The following PSTPIP2 variants were observed in gnomAD, a reference collection of about 807,000 sequenced individuals.
PSTPIP2 encodes the protein proline-serine-threonine phosphatase-interacting protein 2.
In PSTPIP2, 33 loss-of-function variants were observed where a neutral mutation model predicts 63.3. That is an observed-to-expected ratio of 0.52 (90% CI 0.40 to 0.70). The LOEUF (loss-of-function observed/expected upper bound fraction) is 0.70, where lower values mean the gene tolerates loss of function less well. PSTPIP2 is among the 30% of genes least tolerant of loss of function. PSTPIP2 has a pLI of 0.00. For synonymous variants in PSTPIP2, 125 were observed against 132.7 expected (o/e 0.94, Z 0.40); for missense variants, 312 against 400.7 (o/e 0.78, Z 1.89).
intron 1 of PSTPIP2, among the ~76,000 whole-genome samples, chr18:46,042,427 C>T (rs1568226903): frequency 6.6e-6 from 1 of 152,140 alleles, no homozygotes; most frequent in Non-Finnish European, 1.5e-5. Context: ...CCCCAATTCT[C>T]CCTTCTCTAG....
intron 9 of PSTPIP2, among the ~76,000 whole-genome samples, chr18:45,996,900 C>A (rs547066198): frequency 6.6e-6 from 1 of 152,146 alleles, no homozygotes; most frequent in Non-Finnish European, 1.5e-5. Context: ...CCAGCCTGGG[C>A]GACAGAGTGA....
intron 3 of PSTPIP2, among the ~76,000 whole-genome samples, chr18:46,017,607 T>C (rs1449418671): frequency 6.6e-6 from 1 of 152,130 alleles, no homozygotes; most frequent in East Asian, 1.9e-4. Flanking sequence ...GAATTCCAGA[T>C]AATTTCTTTT....
chr18:46,046,297 C>CA (rs1908381821), intron 1 of PSTPIP2, among the ~76,000 whole-genome samples: 1 of 152,230 alleles, frequency 6.6e-6, no homozygotes, highest in Non-Finnish European at 1.5e-5. Flanking sequence ...ACAGCACCCG[C>CA]AGTCTCCAAA....
chr18:46,062,627 C>G (rs1276229217), intron 1 of PSTPIP2, among the ~76,000 whole-genome samples: 1 of 152,026 alleles, frequency 6.6e-6, no homozygotes, highest in Admixed American at 6.6e-5. Flanking sequence ...CAGGTTCAAG[C>G]AATTCTCCTC....
chr18:45,992,830 C>A (rs1027154729), intron 10 of PSTPIP2, among the ~76,000 whole-genome samples: 1 of 152,020 alleles, frequency 6.6e-6, no homozygotes, highest in Non-Finnish European at 1.5e-5. Context: ...TGAAGCAATT[C>A]CCCTGCCTCA....
At chr18:46,042,021 G>C (rs964988084) in intron 1 of PSTPIP2, among the ~76,000 whole-genome samples, 1 of 152,152 alleles carries the variant, frequency 6.6e-6, no homozygotes, top group African/African-American at 2.4e-5. Flanking sequence ...GCAGACAGCA[G>C]TCCCAGAAAG....
intron 2 of PSTPIP2, chr18:46,028,437 C>G (rs1363483561): frequency 1.8e-6 from 1 of 562,256 alleles, no homozygotes. Context: ...AGCGGAACCG[C>G]CCGACGCTGG....
At chr18:45,996,421 T>A (rs1568210475) in intron 9 of PSTPIP2, among the ~76,000 whole-genome samples, 1 of 152,194 alleles carries the variant, frequency 6.6e-6, no homozygotes, top group Non-Finnish European at 1.5e-5. Context: ...TCTGAGAACC[T>A]GCATTTCTAA....
intron 6 of PSTPIP2, among the ~76,000 whole-genome samples, chr18:46,003,756 T>TC (rs1021578865): frequency 3.2e-5 from 4 of 123,232 alleles, no homozygotes; most frequent in African/African-American, 1.5e-4. Context: ...CTTTCAGAGT[T>TC]TTTTTTTTTT....
chr18:46,002,385 T>C (rs76022596), intron 6 of PSTPIP2, among the ~76,000 whole-genome samples: 3,997 of 152,318 alleles, frequency 0.026, 175 homozygotes, highest in African/African-American at 0.09. Flanking sequence ...GATCTTTTCT[T>C]ATAGTGCAAA....
chr18:46,038,588 C>A (rs562308411), intron 2 of PSTPIP2, among the ~76,000 whole-genome samples: 1 of 152,314 alleles, frequency 6.6e-6, no homozygotes, highest in South Asian at 2.1e-4. Context: ...AGGAGGAAGC[C>A]CACTGCCAGT....
Position 46,072,228 on chromosome 18 carries a change from G to C in PSTPIP2, c.-40C>G. On this transcript the variant is annotated 5_prime_UTR_variant, in exon 1 of 15. Coordinates refer to ENST00000409746, the MANE Select transcript of PSTPIP2 (RefSeq NM_024430.4). ...GGGCGCGGAGGAGAGCCGGGCCGCA[G>C]GTAGCACAGAGCGGGGAGGCCTGAC... The C allele has an allele frequency of 6.5e-7, 1 of 1,528,104 alleles. No homozygotes were observed. The highest frequency in any genetic ancestry group is 2.6e-5 in the East Asian group (1 of 38,156). The allele number at this position is 1,528,104 out of a possible 1,614,324, so 94.7% of individuals were successfully genotyped here.
intron 2 of PSTPIP2, among the ~76,000 whole-genome samples, chr18:46,027,218 C>T (rs1032137570): frequency 9.9e-5 from 15 of 151,814 alleles, no homozygotes; most frequent in Admixed American, 3.3e-4. Context: ...TCGCTTGAAC[C>T]GGGGAGGCAG....
At chr18:46,021,766 T>TA (rs981261237) in intron 3 of PSTPIP2, among the ~76,000 whole-genome samples, 7 of 132,282 alleles carry the variant, frequency 5.3e-5, no homozygotes, top group African/African-American at 2.1e-4. Context: ...ACCAACGTGG[T>TA]AAAACCCTGT....
intron 1 of PSTPIP2, among the ~76,000 whole-genome samples, chr18:46,057,921 C>T (rs929867234): frequency 2.0e-5 from 3 of 150,338 alleles, no homozygotes; most frequent in African/African-American, 7.4e-5. Context: ...TGGCGTGAAC[C>T]CGGGAGGCGG....
intron 9 of PSTPIP2, among the ~76,000 whole-genome samples, chr18:45,995,100 T>G (rs957891557): frequency 6.6e-6 from 1 of 152,032 alleles, no homozygotes; most frequent in African/African-American, 2.4e-5. Context: ...GTTTCGTTGT[T>G]TGGTTTTGGG....
At chr18:46,040,108 G>C (rs957562731) in intron 1 of PSTPIP2, 61 bp from the exon 2 acceptor site, 1 of 1,363,034 alleles carries the variant, frequency 7.3e-7, no homozygotes, top group Middle Eastern at 1.9e-4. Context: ...AGGCCGGAGA[G>C]AAGATAAGAC....
intron 2 of PSTPIP2, among the ~76,000 whole-genome samples, chr18:46,027,249 C>T (rs1020740824): frequency 9.3e-5 from 14 of 151,172 alleles, no homozygotes; most frequent in African/African-American, 3.4e-4. Flanking sequence ...GAGCTGAGAT[C>T]GCACTATTGC....
rs2051519698 is a variant in PSTPIP2, at chr18:45,990,705, CT to C, written c.955+16del. On this transcript the variant is annotated intron_variant, in intron 13 of 14. Transcript: ENST00000409746. Reference sequence around the variant, plus strand: ...TTGCAATATAAGAATTTCAAAAGACCTTTTTTAGTGGCATACCTGGTGAGCT... The same window carrying C: ...TTGCAATATAAGAATTTCAAAAGACCTTTTTAGTGGCATACCTGGTGAGCT... 1.3e-6 allele frequency: 2 copies of C among 1,597,850 alleles called. No homozygotes were observed. The highest frequency in any genetic ancestry group is 1.3e-5 in the African/African-American group (1 of 74,428).
Sources: allele counts gnomAD v4.1 joint callset (sites outside exome capture counted in the v4.1 genomes callset), GRCh38; gene constraint gnomAD v4.1.1; transcripts MANE v1.5; gene names NCBI Gene and HGNC (gene_info 2026-07-23, HGNC 2026-07-21).